Variants in PPM1G observed in about 807,000 individuals in gnomAD.
PPM1G encodes protein phosphatase 1G.
A neutral mutation model predicts 59.4 loss-of-function variants in PPM1G; 12 were observed. The observed-to-expected ratio is 0.20, with a 90% confidence interval of 0.13 to 0.33. The LOEUF (loss-of-function observed/expected upper bound fraction) is 0.33, where lower values mean the gene tolerates loss of function less well. Ranked by LOEUF, PPM1G falls within the 10% of genes least tolerant of loss-of-function variation. PPM1G has a pLI of 1.00. For missense variants in PPM1G, 392 were observed against 681.3 expected, an observed-to-expected ratio of 0.58 and a Z score of 4.73; for synonymous variants, 245 against 251.9, an observed-to-expected ratio of 0.97 and a Z score of 0.26.
At chr2:27,401,808 C>T (rs1407000419) in intron 1 of PPM1G, among the ~76,000 whole-genome samples, 2 of 151,124 alleles carry the variant, frequency 1.3e-5, no homozygotes, top group Non-Finnish European at 2.9e-5. Context: ...GCCTGGGTAA[C>T]AGAGCAAGAC....
At chr2:27,392,281 G>GTT (rs1365959192) in intron 1 of PPM1G, among the ~76,000 whole-genome samples, 148 of 78,688 alleles carry the variant, frequency 1.9e-3, no homozygotes, top group African/African-American at 6.1e-3. Flanking sequence ...TTGTTGGTTT[G>GTT]TTTTGTTTTT....
At chr2:27,392,211 T>A (rs927367852) in intron 1 of PPM1G, among the ~76,000 whole-genome samples, 5 of 151,632 alleles carry the variant, frequency 3.3e-5, no homozygotes, top group African/African-American at 4.8e-5. Flanking sequence ...TCTTCCACCA[T>A]CCATCACTGA....
chr2:27,393,540 A>T (rs1683971219), intron 1 of PPM1G, among the ~76,000 whole-genome samples: 1 of 152,184 alleles, frequency 6.6e-6, no homozygotes. Flanking sequence ...GCACTGTTGA[A>T]GCAGGAAACC....
At position 27,385,182 on chromosome 2, in the gene PPM1G, T is replaced by A; in HGVS notation, c.410-94A>T. 7.2e-7 allele frequency: 1 copy of A among 1,391,086 alleles called. No homozygotes were observed. 86.2% of individuals were successfully genotyped at this position (1,391,086 alleles called of 1,614,324 possible). A position where few individuals can be genotyped will look rare whatever the true frequency, so the allele number is the denominator to read the frequency against. On this transcript the variant is annotated intron_variant, in intron 4 of 9. Coordinates refer to ENST00000344034, the MANE Select transcript of PPM1G (RefSeq NM_177983.3). The surrounding 1 kb of genome is among the most constrained non-coding windows in gnomAD (Gnocchi z 4.1). Reference sequence around the variant, plus strand: ...TCAACAGCCCTTGCAGCCTCTAACTTCCCCACAACCTCCCACTCCCAAGGT... The same window carrying A: ...TCAACAGCCCTTGCAGCCTCTAACTACCCCACAACCTCCCACTCCCAAGGT...
In PPM1G at chr2:27,386,383, G is replaced by A. The variant is rs575768340; in HGVS notation, c.191-104C>T. The A allele has an allele frequency of 6.9e-5, 56 of 816,230 alleles. No homozygotes were observed. In the African/African-American group the frequency reaches 7.2e-4, roughly 11 times the overall value. The allele number at this position is 816,230 out of a possible 1,614,324, so 50.6% of individuals were successfully genotyped here. ...TGGAGTGAACCCCAAGGGTTGAGGG[G>A]ATAAATATCTTAGCACCCCTGAACC... On this transcript the variant is annotated intron_variant, in intron 2 of 9. Coordinates refer to ENST00000344034, the MANE Select transcript of PPM1G (RefSeq NM_177983.3).
At chr2:27,395,167 G>A (rs1684015429) in intron 1 of PPM1G, among the ~76,000 whole-genome samples, 1 of 148,914 alleles carries the variant, frequency 6.7e-6, no homozygotes, top group Admixed American at 6.8e-5. Context: ...CTGGGAGGCA[G>A]AGGTTACAAT....
intron 1 of PPM1G, among the ~76,000 whole-genome samples, chr2:27,393,814 C>T (rs1683977773): frequency 6.6e-6 from 1 of 152,028 alleles, no homozygotes; most frequent in Admixed American, 6.6e-5. Flanking sequence ...CCAGGCTGGA[C>T]TGAAGCGGCG....
intron 1 of PPM1G, among the ~76,000 whole-genome samples, chr2:27,396,512 G>A (rs1383186622): frequency 6.6e-6 from 1 of 151,324 alleles, no homozygotes; most frequent in East Asian, 2.0e-4. Context: ...CTACTCAACT[G>A]TACATTAAAA....
chr2:27,388,976 C>T (rs1050587345), intron 1 of PPM1G, among the ~76,000 whole-genome samples: 1 of 148,018 alleles, frequency 6.8e-6, no homozygotes, highest in African/African-American at 2.5e-5. Context: ...TTCTACTTTT[C>T]GACATTCATT....
Position 27,385,151 on chromosome 2 carries a change from A to C in PPM1G, c.410-63T>G. 1 of 1,500,556 alleles carries C rather than the reference A, an allele frequency of 6.7e-7. No homozygotes were observed. Among genetic ancestry groups the C allele is most frequent in the Non-Finnish European group, 8.9e-7 (1 of 1,129,392 alleles). 93.0% of individuals were successfully genotyped at this position (1,500,556 alleles called of 1,614,324 possible). A position where few individuals can be genotyped will look rare whatever the true frequency, so the allele number is the denominator to read the frequency against. ...ACTCCTCATGGGATCCGTCCCTCTCACTACCTCAACAGCCCTTGCAGCCTC... is the reference window on the plus strand; with the variant it reads ...ACTCCTCATGGGATCCGTCCCTCTCCCTACCTCAACAGCCCTTGCAGCCTC... On this transcript the variant is annotated intron_variant, in intron 4 of 9. Transcript: ENST00000344034. The surrounding 1 kb of genome is among the most constrained non-coding windows in gnomAD (Gnocchi z 4.1).
intron 1 of PPM1G, among the ~76,000 whole-genome samples, chr2:27,405,558 G>A (rs1331042601): frequency 6.6e-6 from 1 of 151,050 alleles, no homozygotes; most frequent in Non-Finnish European, 1.5e-5. Flanking sequence ...TCTGGCCTCT[G>A]GCTAATTTTT....
chr2:27,392,964 G>A, intron 1 of PPM1G: 2 of 1,504,494 alleles, frequency 1.3e-6, no homozygotes, highest in Non-Finnish European at 1.8e-6. Flanking sequence ...GGTCATTTTT[G>A]TCAGTGGCCA....
chr2:27,388,598 G>A (rs1683823235), intron 1 of PPM1G, among the ~76,000 whole-genome samples: 3 of 151,120 alleles, frequency 2.0e-5, no homozygotes, highest in South Asian at 4.2e-4. Context: ...ATGTGAGGAC[G>A]GCCACAGTGG....
At chr2:27,405,546 T>A (rs1309172553) in intron 1 of PPM1G, among the ~76,000 whole-genome samples, 1 of 151,694 alleles carries the variant, frequency 6.6e-6, no homozygotes, top group African/African-American at 2.4e-5. Context: ...TTCAAGCAAT[T>A]CTCTGGCCTC....
Position 27,382,755 on chromosome 2 carries a change from A to C in PPM1G, c.1202-150T>G. On this transcript the variant is annotated intron_variant, in intron 7 of 9. Transcript: ENST00000344034. The surrounding 1 kb of genome is among the most constrained non-coding windows in gnomAD (Gnocchi z 4.2). ...CTGAGTCCTAAGTCCTAGTTTTTCT[A>C]GTTTCAACCCTGCCACCAGACTGCT... The C allele has an allele frequency of 2.1e-6, 2 of 960,506 alleles. No individual in the cohort carries two copies. Among genetic ancestry groups the C allele is most frequent in the Non-Finnish European group, 3.1e-6 (2 of 650,006 alleles). 59.5% of individuals were successfully genotyped at this position (960,506 alleles called of 1,614,324 possible).
At chr2:27,409,176 C>G (rs1311187788) in intron 1 of PPM1G, 127 bp downstream of exon 1, 2 of 1,339,784 alleles carry the variant, frequency 1.5e-6, no homozygotes, top group Non-Finnish European at 9.7e-7. Flanking sequence ...TGTCGCCCCG[C>G]AAACGGCCGC....
chr2:27,396,819 C>CAAAAAAAAAAAAAAAA (rs771980529), intron 1 of PPM1G, among the ~76,000 whole-genome samples: 3 of 125,362 alleles, frequency 2.4e-5, no homozygotes, highest in South Asian at 2.6e-4. Flanking sequence ...CCGTCTCCAA[C>CAAAAAAAAAAAAAAAA]AAAAAAAAAA....
chr2:27,392,808 C>G, intron 1 of PPM1G: 2 of 1,492,948 alleles, frequency 1.3e-6, no homozygotes, highest in Non-Finnish European at 1.8e-6. Context: ...CACTGTCTCC[C>G]AGGGTGTGCT....
intron 2 of PPM1G, 130 bp downstream of exon 2, chr2:27,386,959 A>G (rs1294295836): frequency 1.2e-5 from 8 of 678,750 alleles, no homozygotes; most frequent in Non-Finnish European, 2.1e-5. Flanking sequence ...ATACAGAAAA[A>G]CAGCACCACG....
Sources: allele counts gnomAD v4.1 joint callset (sites outside exome capture counted in the v4.1 genomes callset), GRCh38; gene constraint gnomAD v4.1.1; non-coding constraint Gnocchi (gnomAD v3.1); transcripts MANE v1.5; gene names NCBI Gene and HGNC (gene_info 2026-07-23, HGNC 2026-07-21).